The following VEGFD variants were observed in gnomAD, a reference collection of about 807,000 sequenced individuals.
The protein encoded by VEGFD is vascular endothelial growth factor D.
In VEGFD, 26 loss-of-function variants were observed where a neutral mutation model predicts 28.0. The ratio of observed to expected loss-of-function variants is 0.93; its 90% CI spans 0.68 to 1.29. The LOEUF (loss-of-function observed/expected upper bound fraction) is 1.29. Among genes scored for constraint, VEGFD ranks in the 50% most tolerant of loss-of-function variants. The pLI, the probability that VEGFD is intolerant of heterozygous loss-of-function variation, is 0.00. For missense variants in VEGFD, 294 were observed against 273.4 expected (o/e 1.08, Z -0.53); for synonymous variants, 93 against 95.5 (o/e 0.97, Z 0.15).
At chrX:15,360,579 C>T (rs183201099) in intron 2 of VEGFD, among the ~76,000 whole-genome samples, 1,240 of 110,905 alleles carry the variant, frequency 0.011, 14 homozygotes, top group African/African-American at 0.036. Flanking sequence ...CCTTGTGATC[C>T]GCCCACCTCA....
Position 15,383,997 on chromosome X carries a change from T to C in VEGFD, c.-51A>G. ...TACTAAGCAGTTGACATCAGGCAGC[T>C]AGAGAAAATTGTTTCAAAAGGCATT... On this transcript the variant is annotated 5_prime_UTR_variant, in exon 1 of 7. Coordinates refer to ENST00000297904, the MANE Select transcript of VEGFD (RefSeq NM_004469.5). 1 of 975,236 alleles carries C rather than the reference T, an allele frequency of 1.0e-6. No individual in the cohort carries two copies. The allele number at this position is 975,236 out of a possible 1,213,427, so 80.4% of individuals were successfully genotyped here.
intron 4 of VEGFD, among the ~76,000 whole-genome samples, chrX:15,354,692 G>C (rs1379267577): frequency 1.8e-5 from 2 of 111,153 alleles, no homozygotes; most frequent in African/African-American, 6.5e-5. Context: ...AATCTTAAGG[G>C]GGAAAGATTA....
At chrX:15,356,466 T>A (rs1409880090) in intron 3 of VEGFD, among the ~76,000 whole-genome samples, 2 of 112,426 alleles carry the variant, frequency 1.8e-5, no homozygotes, top group African/African-American at 6.5e-5. Flanking sequence ...GTACATTGTA[T>A]GAAATTAATC....
intron 3 of VEGFD, among the ~76,000 whole-genome samples, chrX:15,355,552 T>C (rs942988787): frequency 8.9e-6 from 1 of 112,203 alleles, no homozygotes; most frequent in African/African-American, 3.2e-5. Flanking sequence ...AATTTGAGTG[T>C]AAATCGTAAG....
intron 1 of VEGFD, among the ~76,000 whole-genome samples, chrX:15,374,786 C>CT (rs558207454): frequency 0.055 from 5,389 of 98,126 alleles, 156 homozygotes; most frequent in South Asian, 0.1. Context: ...TTTTTCTTTT[C>CT]TTTTTTTTTT....
At chrX:15,353,564 A>C in intron 4 of VEGFD, among the ~76,000 whole-genome samples, 1 of 110,760 alleles carries the variant, frequency 9.0e-6, no homozygotes, top group Non-Finnish European at 1.9e-5. Flanking sequence ...ATATGGAGAA[A>C]CCCCATCTCT....
chrX:15,368,086 AGAAAGAAAGAAAGAAAAGAAG>A (rs1923217166), intron 1 of VEGFD, among the ~76,000 whole-genome samples: 2 of 103,774 alleles, frequency 1.9e-5, no homozygotes, highest in Non-Finnish European at 3.9e-5. Context: ...AAGAAAGAAA[AGAAAGAAAGAAAGAAAAGAAG>A]GAAAGAAAGA....
At chrX:15,347,565 G>C in intron 5 of VEGFD, 1 of 306,606 alleles carries the variant, frequency 3.3e-6, no homozygotes, top group Non-Finnish European at 5.7e-6. Context: ...TGTTTTCTTA[G>C]GTTTGTGATT....
intron 6 of VEGFD, 132 bp from the exon 7 acceptor site, chrX:15,346,391 C>T: frequency 1.5e-6 from 1 of 675,885 alleles, no homozygotes; most frequent in Non-Finnish European, 2.2e-6. Flanking sequence ...CATGGTTATC[C>T]CACATGGATT....
In VEGFD at chrX:15,383,937, C is replaced by T. The variant is rs112078418; in HGVS notation, c.10G>A (p.Glu4Lys). The T allele has an allele frequency of 4.4e-5, 53 of 1,193,097 alleles. No homozygotes were observed. Among genetic ancestry groups the T allele is most frequent in the African/African-American group, 3.5e-4 (20 of 57,024 alleles). Residue 4 changes from glutamate (E) to lysine (K), a missense_variant, in exon 1 of 7, where the codon GAG (glutamate) becomes AAG (lysine). Transcript: ENST00000297904. ...ATGAAAACATTCACCACTACCCACT[C>T]TCTGTACATTTTGAATATTTCAATA... MYREWVVVNVFMML... is the reference protein window; with the variant it reads MYRKWVVVNVFMML...
intron 1 of VEGFD, among the ~76,000 whole-genome samples, chrX:15,378,479 AC>A (rs758417909): frequency 5.4e-5 from 6 of 111,742 alleles, no homozygotes; most frequent in Non-Finnish European, 1.1e-4. Context: ...GTCAACAAAT[AC>A]TGTTTTTAGT....
chrX:15,346,108 G>T lies in VEGFD; in HGVS notation c.*25C>A, dbSNP rs199572303. ...AAGCAGCATGCTGTTAAAAATGACA[G>T]GGATGGGGAACTTGGAACGCTGAAT... On this transcript the variant is annotated 3_prime_UTR_variant, in exon 7 of 7. Coordinates refer to ENST00000297904, the MANE Select transcript of VEGFD (RefSeq NM_004469.5). The T allele has an allele frequency of 3.7e-5, 44 of 1,202,598 alleles. No homozygotes were observed. The African/African-American group carries it at 6.8e-4, about 19-fold the overall frequency.
rs1922538038 is a variant in VEGFD at position 15,346,085 on chromosome X, G to A, written c.*48C>T. 23 of 1,184,604 alleles carry A rather than the reference G, an allele frequency of 1.9e-5. No homozygotes were observed. The highest frequency in any genetic ancestry group is 2.4e-5 in the Non-Finnish European group (21 of 881,702). ...AAAACAGTGACAGCAACTTGGCAAAGCAGCATGCTGTTAAAAATGACAGGG... is the reference window on the plus strand; with the variant it reads ...AAAACAGTGACAGCAACTTGGCAAAACAGCATGCTGTTAAAAATGACAGGG... On this transcript the variant is annotated 3_prime_UTR_variant, in exon 7 of 7. Transcript: ENST00000297904.
chrX:15,384,107 A>G lies in VEGFD; in HGVS notation c.-161T>C, dbSNP rs1923656414. On this transcript the variant is annotated 5_prime_UTR_variant, in exon 1 of 7. Coordinates refer to ENST00000297904, the MANE Select transcript of VEGFD (RefSeq NM_004469.5). ...GATCAAAATCCAATGAAATTATTTCAATTAGGCAAGGTACGCTTTTTTTGC... is the reference window on the plus strand; with the variant it reads ...GATCAAAATCCAATGAAATTATTTCGATTAGGCAAGGTACGCTTTTTTTGC... The G allele has an allele frequency of 2.4e-6, 1 of 423,917 alleles. No individual in the cohort carries two copies. The allele number at this position is 423,917 out of a possible 1,213,427, so 34.9% of individuals were successfully genotyped here. A position where few individuals can be genotyped will look rare whatever the true frequency, so the allele number is the denominator to read the frequency against.
chrX:15,363,181 T>C lies in VEGFD; in HGVS notation c.229A>G (p.Met77Val), dbSNP rs762196355. 3.3e-6 allele frequency: 4 copies of C among 1,209,650 alleles called. No homozygotes were observed. The highest frequency in any genetic ancestry group is 3.4e-6 in the Non-Finnish European group (3 of 895,099). ...CGATGGGATGCTGAGCGAGAGTCCA[T>C]ACTGGTAAAACTTTTGAGCCTCAGC... ...CRLRLKSFTS[M>V]DSRSASHRST... is the part of the protein sequence containing the mutation. Residue 77 changes from methionine (M) to valine (V), a missense_variant, in exon 2 of 7, where the codon ATG (methionine) becomes GTG (valine). Coordinates refer to ENST00000297904, the MANE Select transcript of VEGFD (RefSeq NM_004469.5).
Position 15,384,094 on chromosome X carries a change from A to G in VEGFD, c.-148T>C, listed in dbSNP as rs1469524708. On this transcript the variant is annotated 5_prime_UTR_variant, in exon 1 of 7. Coordinates refer to ENST00000297904, the MANE Select transcript of VEGFD (RefSeq NM_004469.5). ...AATAATCAGTTCTGATCAAAATCCAATGAAATTATTTCAATTAGGCAAGGT... is the reference window on the plus strand; with the variant it reads ...AATAATCAGTTCTGATCAAAATCCAGTGAAATTATTTCAATTAGGCAAGGT... The G allele has an allele frequency of 2.3e-5, 10 of 430,825 alleles. No individual in the cohort carries two copies. Among genetic ancestry groups the G allele is most frequent in the Middle Eastern group, 4.9e-4 (1 of 2,021 alleles). The allele number at this position is 430,825 out of a possible 1,213,427, so 35.5% of individuals were successfully genotyped here. A position where few individuals can be genotyped will look rare whatever the true frequency, so the allele number is the denominator to read the frequency against.
intron 1 of VEGFD, among the ~76,000 whole-genome samples, chrX:15,376,573 G>A (rs1038728805): frequency 1.8e-5 from 2 of 111,893 alleles, no homozygotes; most frequent in African/African-American, 3.2e-5. Context: ...CTTCTACAAA[G>A]CAGCCTTGCT....
chrX:15,366,178 GT>G (rs1923142215), intron 1 of VEGFD, among the ~76,000 whole-genome samples: 1 of 110,427 alleles, frequency 9.1e-6, no homozygotes, highest in Non-Finnish European at 1.9e-5. Flanking sequence ...GGCTAATTTT[GT>G]TTTTGTATTT....
chrX:15,366,389 A>G (rs745433738), intron 1 of VEGFD, among the ~76,000 whole-genome samples: 1 of 112,001 alleles, frequency 8.9e-6, no homozygotes, highest in East Asian at 2.8e-4. Context: ...TATTTCTTCA[A>G]ATTATTTTAG....
Sources: gnomAD v4.1 joint callset for allele counts (sites outside exome capture counted in the v4.1 genomes callset) on GRCh38, gnomAD v4.1.1 for gene constraint, MANE v1.5 for transcripts, NCBI Gene and HGNC (gene_info 2026-07-23, HGNC 2026-07-21) for gene names.